The following TRDN variants were observed in gnomAD, a reference collection of about 807,000 sequenced individuals.
TRDN encodes triadin in skeletal muscle.
A neutral mutation model predicts 149.7 loss-of-function variants in TRDN; 161 were observed. The ratio of observed to expected loss-of-function variants is 1.08; its 90% CI spans 0.95 to 1.23. TRDN has a LOEUF of 1.23. Ranked by LOEUF, TRDN falls within the 50% of genes most tolerant of loss-of-function variation. The pLI, the probability that TRDN is intolerant of heterozygous loss-of-function variation, is 0.00. For synonymous variants in TRDN, 294 were observed against 250.5 expected (o/e 1.17, Z -1.64); for missense variants, 896 against 823.5 (o/e 1.09, Z -1.08).
At chr6:123,454,200 T>A (rs183558281) in intron 10 of TRDN, among the ~76,000 whole-genome samples, 2 of 152,024 alleles carry the variant, frequency 1.3e-5, no homozygotes, top group South Asian at 2.1e-4. Flanking sequence ...GGATGATGGG[T>A]GCACCAAAAT....
intron 8 of TRDN, among the ~76,000 whole-genome samples, chr6:123,497,517 C>T (rs1237315864): frequency 6.6e-6 from 1 of 152,040 alleles, no homozygotes; most frequent in Non-Finnish European, 1.5e-5. Flanking sequence ...TGGTTGTTTT[C>T]AAAATAAAAA....
chr6:123,242,789 CCA>C (rs1049430389), intron 38 of TRDN, among the ~76,000 whole-genome samples: 2 of 151,958 alleles, frequency 1.3e-5, no homozygotes, highest in African/African-American at 4.8e-5. Context: ...CACATTTCAG[CCA>C]CAGACTAACA....
At chr6:123,595,040 G>T (rs149591915) in intron 1 of TRDN, among the ~76,000 whole-genome samples, 147 of 151,860 alleles carry the variant, frequency 9.7e-4, no homozygotes, top group African/African-American at 3.3e-3. Context: ...AGAAAATAAT[G>T]AACATTTTTG....
chr6:123,248,731 A>C (rs1250757250), intron 38 of TRDN, among the ~76,000 whole-genome samples: 1 of 152,114 alleles, frequency 6.6e-6, no homozygotes, highest in Admixed American at 6.6e-5. Context: ...TAATAAAACA[A>C]TCTCTCATCA....
chr6:123,527,141 A>T (rs186799612), intron 5 of TRDN, among the ~76,000 whole-genome samples: 233 of 152,180 alleles, frequency 1.5e-3, no homozygotes, highest in African/African-American at 5.1e-3. Flanking sequence ...AAAGTAGAAA[A>T]AGGTTATGGT....
intron 24 of TRDN, among the ~76,000 whole-genome samples, chr6:123,295,394 A>G (rs994471842): frequency 5.3e-5 from 8 of 152,218 alleles, no homozygotes; most frequent in African/African-American, 1.2e-4. Context: ...TGCCTCTTCA[A>G]TAAGGCTATT....
chr6:123,459,902 C>A (rs771545948), intron 10 of TRDN, among the ~76,000 whole-genome samples: 1 of 152,172 alleles, frequency 6.6e-6, no homozygotes, highest in Non-Finnish European at 1.5e-5. Flanking sequence ...TACTTGATTT[C>A]TCCGATCTTC....
At chr6:123,521,293 A>G (rs768647861) in intron 5 of TRDN, among the ~76,000 whole-genome samples, 3 of 152,166 alleles carry the variant, frequency 2.0e-5, no homozygotes, top group Non-Finnish European at 2.9e-5. Flanking sequence ...TAAGGTTTTT[A>G]CAGAGACAAT....
chr6:123,626,543 G>C (rs1332479267), intron 1 of TRDN, among the ~76,000 whole-genome samples: 1 of 152,052 alleles, frequency 6.6e-6, no homozygotes, highest in Non-Finnish European at 1.5e-5. Flanking sequence ...AGCATCTTCA[G>C]CTTCCACTTC....
intron 38 of TRDN, among the ~76,000 whole-genome samples, chr6:123,248,040 A>T (rs1776247716): frequency 6.6e-6 from 1 of 152,188 alleles, no homozygotes; most frequent in African/African-American, 2.4e-5. Flanking sequence ...AAAACTGGCT[A>T]GTCATATGCA....
intron 2 of TRDN, among the ~76,000 whole-genome samples, chr6:123,566,326 T>A (rs1782294635): frequency 6.6e-6 from 1 of 152,180 alleles, no homozygotes; most frequent in Non-Finnish European, 1.5e-5. Context: ...TGTAGGTTCA[T>A]AGAGCTGAAT....
At chr6:123,517,816 C>A (rs1036768304) in intron 5 of TRDN, among the ~76,000 whole-genome samples, 16 of 152,064 alleles carry the variant, frequency 1.1e-4, no homozygotes, top group Admixed American at 5.2e-4. Flanking sequence ...TTTCTTTGAT[C>A]TCTATTTATT....
intron 39 of TRDN, 22 bp from the exon 40 acceptor site, chr6:123,221,544 AG>A: frequency 6.6e-7 from 1 of 1,513,054 alleles, no homozygotes; most frequent in Non-Finnish European, 9.1e-7. Flanking sequence ...AAAATATAAA[AG>A]TAAATAACTT....
At chr6:123,561,178 C>T (rs1192113080) in intron 2 of TRDN, among the ~76,000 whole-genome samples, 1 of 152,090 alleles carries the variant, frequency 6.6e-6, no homozygotes, top group Non-Finnish European at 1.5e-5. Context: ...TTGGCCTTCC[C>T]ATATCTATAC....
intron 11 of TRDN, 40 bp downstream of exon 11, chr6:123,438,904 C>G (rs1182875583): frequency 6.8e-7 from 1 of 1,467,018 alleles, no homozygotes; most frequent in Non-Finnish European, 9.2e-7. Context: ...TGCATGGACA[C>G]TAATTGATTT....
At chr6:123,439,124 G>T in intron 10 of TRDN, 121 bp from the exon 11 acceptor site, 1 of 673,494 alleles carries the variant, frequency 1.5e-6, no homozygotes, top group East Asian at 2.8e-5. Context: ...GACTGAGCAA[G>T]TAATTTAATC....
At chr6:123,437,090 CAAA>C (rs1421885544) in intron 12 of TRDN, among the ~76,000 whole-genome samples, 19 of 151,952 alleles carry the variant, frequency 1.3e-4, no homozygotes, top group African/African-American at 4.6e-4. Context: ...AGAAACAGAA[CAAA>C]ATTTAAAGCA....
chr6:123,508,457 A>ATACCAGTTTTATG (rs1779027851), intron 7 of TRDN, among the ~76,000 whole-genome samples: 1 of 152,180 alleles, frequency 6.6e-6, no homozygotes, highest in African/African-American at 2.4e-5. Context: ...AGGCAGCAAT[A>ATACCAGTTTTATG]ACCTCTGCCA....
At chr6:123,257,631 T>G (rs1482701840) in intron 35 of TRDN, among the ~76,000 whole-genome samples, 1 of 152,192 alleles carries the variant, frequency 6.6e-6, no homozygotes, top group Non-Finnish European at 1.5e-5. Context: ...TAAGGACTCC[T>G]TTTTGGTTCC....
Sources: allele counts gnomAD v4.1 joint callset (sites outside exome capture counted in the v4.1 genomes callset), GRCh38; gene constraint gnomAD v4.1.1; transcripts MANE v1.5; gene names NCBI Gene and HGNC (gene_info 2026-07-23, HGNC 2026-07-21).